PLXNA2: variants seen among roughly 807,000 people sequenced by gnomAD.
PLXNA2 encodes the protein plexin A2.
PLXNA2 carries 91 observed loss-of-function variants against 193.5 expected under a neutral mutation model. That is an observed-to-expected ratio of 0.47 (90% CI 0.40 to 0.56). The LOEUF is 0.56. Among genes scored for constraint, PLXNA2 ranks in the 20% least tolerant of loss-of-function variants. The pLI is 0.00. For missense variants in PLXNA2, 1,995 were observed against 2,503.2 expected (o/e 0.80, Z 4.33); for synonymous variants, 997 against 1,027.3 (o/e 0.97, Z 0.56).
intron 3 of PLXNA2, among the ~76,000 whole-genome samples, chr1:208,192,019 C>T (rs776484995): frequency 6.6e-6 from 1 of 152,194 alleles, no homozygotes; most frequent in African/African-American, 2.4e-5. Context: ...AAGACCCACC[C>T]AGCTGATGGG....
At chr1:208,084,693 C>G in intron 9 of PLXNA2, 113 bp from the exon 10 acceptor site, 1 of 945,344 alleles carries the variant, frequency 1.1e-6, no homozygotes, top group South Asian at 1.6e-5. Flanking sequence ...AGGATATTAC[C>G]TCATGTAAGG....
At chr1:208,204,181 G>C (rs1465007362) in intron 3 of PLXNA2, among the ~76,000 whole-genome samples, 7 of 152,172 alleles carry the variant, frequency 4.6e-5, no homozygotes, top group African/African-American at 1.7e-4. Context: ...AGAATAGGCC[G>C]GGGCCCTCCC....
At chr1:208,170,634 T>C (rs1287835698) in intron 3 of PLXNA2, among the ~76,000 whole-genome samples, 3 of 152,232 alleles carry the variant, frequency 2.0e-5, no homozygotes, top group Non-Finnish European at 2.9e-5. Flanking sequence ...CAAAGCCCAA[T>C]AGGTTTCATG....
chr1:208,150,081 A>T (rs2102495970), intron 3 of PLXNA2, among the ~76,000 whole-genome samples: 1 of 152,298 alleles, frequency 6.6e-6, no homozygotes, highest in South Asian at 2.1e-4. Context: ...GTTTGCACTG[A>T]GCTAGCAGAG....
At chr1:208,057,391 G>A (rs1183652850) in intron 13 of PLXNA2, among the ~76,000 whole-genome samples, 1 of 152,202 alleles carries the variant, frequency 6.6e-6, no homozygotes, top group African/African-American at 2.4e-5. Context: ...GGGATGCTCT[G>A]TATGTCTTTC....
chr1:208,038,986 T>A lies in PLXNA2; in HGVS notation c.4501-2A>T. 2 of 1,613,540 alleles carry A rather than the reference T, an allele frequency of 1.2e-6. No homozygotes were observed. Among genetic ancestry groups the A allele is most frequent in the Non-Finnish European group, 1.7e-6 (2 of 1,179,604 alleles). ...GTCAGGGTTGACGCAGTTCAGGATCTACAAGTAGGGGACAGAGGGTGAGCA... is the reference window on the plus strand; with the variant it reads ...GTCAGGGTTGACGCAGTTCAGGATCAACAAGTAGGGGACAGAGGGTGAGCA... On this transcript the variant is annotated splice_acceptor_variant, in intron 24 of 31. Transcript: ENST00000367033. LOFTEE classifies it high-confidence loss of function. The surrounding 1 kb of genome is among the most constrained non-coding windows in gnomAD (Gnocchi z 4.1).
At chr1:208,233,057 G>A (rs1671739274) in intron 1 of PLXNA2, among the ~76,000 whole-genome samples, 1 of 152,154 alleles carries the variant, frequency 6.6e-6, no homozygotes. Flanking sequence ...TTCCCTAAAT[G>A]TTGTAGAGCC....
chr1:208,164,459 A>G (rs919725291), intron 3 of PLXNA2, among the ~76,000 whole-genome samples: 2 of 152,194 alleles, frequency 1.3e-5, no homozygotes, highest in Non-Finnish European at 2.9e-5. Context: ...GTTTAGTACC[A>G]GTTGCTTTTT....
At chr1:208,047,605 A>T (rs1665120829) in intron 17 of PLXNA2, among the ~76,000 whole-genome samples, 2 of 152,232 alleles carry the variant, frequency 1.3e-5, no homozygotes, top group Non-Finnish European at 2.9e-5. Flanking sequence ...CTTTGGGAGC[A>T]GTGGGGTCCC....
In PLXNA2 at chr1:208,028,187, T is replaced by G. The variant is rs1229078950; in HGVS notation, c.5439-28A>C. On this transcript the variant is annotated intron_variant, in intron 30 of 31. Transcript: ENST00000367033. The surrounding 1 kb of genome is among the most constrained non-coding windows in gnomAD (Gnocchi z 4.2). ...GCCAGAGACAGGATAGGCGCCTTGG[T>G]GGAGGCCTCAGCAAACATTTACCTA... 2 of 1,580,370 alleles carry G rather than the reference T, an allele frequency of 1.3e-6. No homozygotes were observed. Among genetic ancestry groups the G allele is most frequent in the East Asian group, 2.3e-5 (1 of 43,376 alleles).
In PLXNA2 at chr1:208,034,578, C is replaced by T. The variant is rs141018338; in HGVS notation, c.4779G>A (p.Ser1593=). The change falls in exon 27 of 32, where the codon TCG becomes TCA. Residue 1593 remains serine, a synonymous_variant. Coordinates refer to ENST00000367033, the MANE Select transcript of PLXNA2 (RefSeq NM_025179.4). ...TCTGTTTGGGGACCAGAGCCACCAC[C>T]GACCTGTCTGACACCTGAGAAGGGT... ...TLMHYQVSDR[S]VVALVPKQTS... is the part of the protein sequence containing the mutation. 201 of 1,612,390 alleles carry T rather than the reference C, an allele frequency of 1.2e-4. No homozygotes were observed. The African/African-American group carries it at 2.0e-3, about 16-fold the overall frequency.
rs1483494824 is a variant in PLXNA2 at position 208,044,745 on chromosome 1, G to A, written c.3640-3C>T. On this transcript the variant is annotated splice_region_variant and splice_polypyrimidine_tract_variant and intron_variant, in intron 19 of 31. Coordinates refer to ENST00000367033, the MANE Select transcript of PLXNA2 (RefSeq NM_025179.4). The surrounding 1 kb of genome is among the most constrained non-coding windows in gnomAD (Gnocchi z 4.9). ...AACACCATCCCGCCCACGTGAACCT[G>A]TGCATTGTACACATACAGACGCACA... 2.5e-6 allele frequency: 4 copies of A among 1,610,334 alleles called. No individual in the cohort carries two copies. Among genetic ancestry groups the A allele is most frequent in the Admixed American group, 1.7e-5 (1 of 59,872 alleles).
intron 4 of PLXNA2, among the ~76,000 whole-genome samples, chr1:208,107,830 T>C (rs1335655166): frequency 6.6e-6 from 1 of 152,068 alleles, no homozygotes; most frequent in African/African-American, 2.4e-5. Context: ...AATTATACAA[T>C]GGGAGGCCCT....
intron 4 of PLXNA2, among the ~76,000 whole-genome samples, chr1:208,115,387 T>TATA (rs1667604075): frequency 1.3e-5 from 2 of 152,184 alleles, no homozygotes; most frequent in African/African-American, 2.4e-5. Context: ...CAGACTGCTA[T>TATA]ATATATAAGT....
At position 208,044,954 on chromosome 1, in the gene PLXNA2, A is replaced by C. The variant is rs1003531255; in HGVS notation, c.3639+113T>G. 21 of 1,266,292 alleles carry C rather than the reference A, an allele frequency of 1.7e-5. No homozygotes were observed. In the East Asian group the frequency reaches 4.0e-4, roughly 24 times the overall value. 78.4% of individuals were successfully genotyped at this position (1,266,292 alleles called of 1,614,324 possible). On this transcript the variant is annotated intron_variant, in intron 19 of 31. Coordinates refer to ENST00000367033, the MANE Select transcript of PLXNA2 (RefSeq NM_025179.4). This position sits in a 1 kb window ranked among gnomAD's most constrained non-coding sequence, Gnocchi z 4.9. ...TTTGATGTAGGACCCAGAGATGAGG[A>C]GATATGGAGGGGGTGAGTCAGGCAA... is the stretch of plus-strand genomic sequence containing the variant.
intron 9 of PLXNA2, 33 bp downstream of exon 9, chr1:208,092,753 G>T: frequency 6.7e-7 from 1 of 1,494,336 alleles, no homozygotes; most frequent in South Asian, 1.2e-5. Context: ...GACTCACTGG[G>T]AACACTGCCA....
At chr1:208,197,501 G>A (rs951345558) in intron 3 of PLXNA2, among the ~76,000 whole-genome samples, 5 of 152,352 alleles carry the variant, frequency 3.3e-5, no homozygotes, top group African/African-American at 7.2e-5. Context: ...ACCCTTGTGT[G>A]TGAAATTAAC....
intron 12 of PLXNA2, among the ~76,000 whole-genome samples, chr1:208,064,614 G>C (rs1479585952): frequency 6.6e-6 from 1 of 152,222 alleles, no homozygotes; most frequent in Non-Finnish European, 1.5e-5. Flanking sequence ...AACAGAGAGA[G>C]GCACCCTGTA....
intron 4 of PLXNA2, among the ~76,000 whole-genome samples, chr1:208,113,726 T>G (rs1032542526): frequency 2.6e-5 from 4 of 151,884 alleles, no homozygotes; most frequent in Non-Finnish European, 4.4e-5. Flanking sequence ...GGCTAATTGT[T>G]TAAATTTTTT....
Sources: gnomAD v4.1 joint callset for allele counts (sites outside exome capture counted in the v4.1 genomes callset) on GRCh38, gnomAD v4.1.1 for gene constraint, Gnocchi (gnomAD v3.1) non-coding constraint, MANE v1.5 for transcripts, NCBI Gene and HGNC (gene_info 2026-07-23, HGNC 2026-07-21) for gene names.